Variants in SUGCT observed in about 807,000 individuals in gnomAD.
The protein encoded by SUGCT is succinyl-CoA:glutarate CoA-transferase.
SUGCT carries 41 observed loss-of-function variants against 55.0 expected under a neutral mutation model. That is an observed-to-expected ratio of 0.74 (90% CI 0.58 to 0.97). The LOEUF is 0.97. Ranked by LOEUF, SUGCT falls within the 50% of genes least tolerant of loss-of-function variation. The probability of loss-of-function intolerance (pLI) is 0.00; values close to 1 mark genes in which losing one functional copy is unlikely to be tolerated. For missense variants in SUGCT, 568 were observed against 547.8 expected (o/e 1.04, Z -0.37); for synonymous variants, 187 against 200.4 (o/e 0.93, Z 0.56).
At chr7:40,763,650 G>A (rs945987475) in intron 13 of SUGCT, among the ~76,000 whole-genome samples, 3 of 152,040 alleles carry the variant, frequency 2.0e-5, no homozygotes, top group Non-Finnish European at 2.9e-5. Context: ...GAATGAGATT[G>A]GCCAGGCTAG....
intron 6 of SUGCT, among the ~76,000 whole-genome samples, chr7:40,203,497 G>A (rs557395432): frequency 2.0e-5 from 3 of 152,190 alleles, no homozygotes; most frequent in Non-Finnish European, 4.4e-5. Flanking sequence ...TATTTAAGCC[G>A]GGCACAGTGG....
the SUGCT span, among the ~76,000 whole-genome samples, chr7:41,002,284 G>C: frequency 1.1e-4 from 16 of 152,194 alleles, no homozygotes; most frequent in Non-Finnish European, 2.4e-4. Flanking sequence ...GCCTCCCAAA[G>C]TGCTGGGATT....
At chr7:40,637,395 A>AG (rs1800065559) in intron 12 of SUGCT, among the ~76,000 whole-genome samples, 1 of 152,232 alleles carries the variant, frequency 6.6e-6, no homozygotes, top group South Asian at 2.1e-4. Flanking sequence ...TCTTGCATCA[A>AG]GGAGAGGTAT....
At chr7:40,620,162 C>G (rs990492068) in intron 12 of SUGCT, among the ~76,000 whole-genome samples, 3 of 152,162 alleles carry the variant, frequency 2.0e-5, no homozygotes, top group Non-Finnish European at 2.9e-5. Context: ...CCTTACCTGA[C>G]AATTGTGATC....
At chr7:40,973,374 A>C in the SUGCT span, among the ~76,000 whole-genome samples, 1 of 152,240 alleles carries the variant, frequency 6.6e-6, no homozygotes, top group Non-Finnish European at 1.5e-5. Flanking sequence ...AGATGTGGAA[A>C]TATGCAATTC....
At chr7:40,227,864 T>C (rs1272458680) in intron 6 of SUGCT, among the ~76,000 whole-genome samples, 2 of 148,266 alleles carry the variant, frequency 1.3e-5, no homozygotes, top group Non-Finnish European at 1.5e-5. Context: ...TATTTGTTAT[T>C]TATTTATTTA....
At chr7:40,795,352 A>C (rs1252486126) in intron 13 of SUGCT, among the ~76,000 whole-genome samples, 1 of 152,130 alleles carries the variant, frequency 6.6e-6, no homozygotes, top group African/African-American at 2.4e-5. Flanking sequence ...TTGCAAAACT[A>C]TTTCCAGTAG....
chr7:40,254,001 A>G (rs1356718817), intron 7 of SUGCT, among the ~76,000 whole-genome samples: 1 of 152,246 alleles, frequency 6.6e-6, no homozygotes, highest in African/African-American at 2.4e-5. Context: ...AATCCCAGTG[A>G]CTGACATTAA....
chr7:40,853,492 G>A (rs181914472), intron 13 of SUGCT, among the ~76,000 whole-genome samples: 1 of 152,226 alleles, frequency 6.6e-6, no homozygotes, highest in Non-Finnish European at 1.5e-5. Context: ...AGCCTCCCGA[G>A]TAGCTGGAAC....
At chr7:40,595,126 C>T (rs1332241283) in intron 12 of SUGCT, among the ~76,000 whole-genome samples, 3 of 152,138 alleles carry the variant, frequency 2.0e-5, no homozygotes, top group Non-Finnish European at 4.4e-5. Flanking sequence ...GTGCTAGGTG[C>T]TTCAAAATAT....
At chr7:40,970,183 T>G in the SUGCT span, among the ~76,000 whole-genome samples, 1 of 152,178 alleles carries the variant, frequency 6.6e-6, no homozygotes, top group Non-Finnish European at 1.5e-5. Flanking sequence ...TTTTCTTTTT[T>G]TTTTCTGAGA....
intron 12 of SUGCT, among the ~76,000 whole-genome samples, chr7:40,661,036 G>T (rs989144989): frequency 5.9e-5 from 9 of 152,126 alleles, no homozygotes; most frequent in Non-Finnish European, 4.4e-5. Context: ...GAAAAAACAT[G>T]CAACTTTACT....
At chr7:40,791,436 C>CCATT (rs35014593) in intron 13 of SUGCT, among the ~76,000 whole-genome samples, 47,375 of 151,856 alleles carry the variant, frequency 0.31, 7,789 homozygotes, top group South Asian at 0.44. Context: ...CCAGGAACTG[C>CCATT]TAACGCTAGA....
intron 13 of SUGCT, among the ~76,000 whole-genome samples, chr7:40,819,165 T>C (rs1187546753): frequency 2.0e-5 from 3 of 152,052 alleles, no homozygotes; most frequent in Admixed American, 2.0e-4. Flanking sequence ...TTGATGGACA[T>C]TTGGGTTGGT....
intron 9 of SUGCT, among the ~76,000 whole-genome samples, chr7:40,441,935 G>C (rs1333347704): frequency 6.6e-6 from 1 of 152,058 alleles, no homozygotes; most frequent in Admixed American, 6.6e-5. Flanking sequence ...TGGGTGGGGG[G>C]TCTCAGGACT....
At chr7:40,236,150 C>T (rs889142436) in intron 6 of SUGCT, among the ~76,000 whole-genome samples, 4 of 151,952 alleles carry the variant, frequency 2.6e-5, no homozygotes, top group Non-Finnish European at 4.4e-5. Context: ...CTCTGCCTCC[C>T]GGGTTCAAGC....
chr7:40,617,686 G>T (rs1438346124), intron 12 of SUGCT, among the ~76,000 whole-genome samples: 1 of 152,144 alleles, frequency 6.6e-6, no homozygotes, highest in Non-Finnish European at 1.5e-5. Flanking sequence ...ATAACTTTCA[G>T]ATTTTGTCTA....
rs1388123449 is a variant in SUGCT at position 40,714,799 on chromosome 7, A to G, written c.1090-34635A>G. Among the ~76,000 whole-genome samples the G allele has an allele frequency of 3.3e-5, 5 of 152,354 alleles. No individual in the cohort carries two copies. In the East Asian group the frequency reaches 7.7e-4, roughly 24 times the overall value. On this transcript the variant is annotated intron_variant, in intron 12 of 13. Transcript: ENST00000335693. ...TTGCATGCTAGCCAAGTCAAACTGT[A>G]CAAGAGAATACATGGAAATAATATG... is the stretch of plus-strand genomic sequence containing the variant.
At chr7:40,875,074 C>T in the SUGCT span, among the ~76,000 whole-genome samples, 2 of 152,310 alleles carry the variant, frequency 1.3e-5, no homozygotes, top group East Asian at 3.9e-4. Flanking sequence ...ACTCTGAGTT[C>T]TAGATGGTCT....
Sources: gnomAD v4.1 joint callset for allele counts (sites outside exome capture counted in the v4.1 genomes callset) on GRCh38, gnomAD v4.1.1 for gene constraint, MANE v1.5 for transcripts, NCBI Gene and HGNC (gene_info 2026-07-23, HGNC 2026-07-21) for gene names.